The following CACNB2 variants were observed in gnomAD, a reference collection of about 807,000 sequenced individuals.
The protein encoded by CACNB2 is calcium voltage-gated channel auxiliary subunit beta 2, also known as voltage-dependent L-type calcium channel subunit beta-2.
Under a neutral mutation model 73.3 loss-of-function variants are expected in CACNB2, and 42 were observed. That is an observed-to-expected ratio of 0.57 (90% CI 0.45 to 0.74). CACNB2 has a LOEUF of 0.74. Among genes scored for constraint, CACNB2 ranks in the 30% least tolerant of loss-of-function variants. The probability of loss-of-function intolerance (pLI) is 0.00; values close to 1 mark genes in which losing one functional copy is unlikely to be tolerated. For missense variants in CACNB2, 940 were observed against 853.0 expected (o/e 1.10, Z -1.27); for synonymous variants, 348 against 310.3 (o/e 1.12, Z -1.28).
rs564348847 is a variant in CACNB2, at chr10:18,248,505, T to C, written c.213+97530T>C. On this transcript the variant is annotated intron_variant, in intron 2 of 13. Coordinates refer to ENST00000324631, the MANE Select transcript of CACNB2 (RefSeq NM_201596.3). ...TTTTCTGTTGTATCTGTCATTCTTATAGTGTTCTCAACTAAATCCAATAGG... is the reference window on the plus strand; with the variant it reads ...TTTTCTGTTGTATCTGTCATTCTTACAGTGTTCTCAACTAAATCCAATAGG... Among the ~76,000 whole-genome samples, 4 of 152,370 alleles carry C rather than the reference T, an allele frequency of 2.6e-5. No individual in the cohort carries two copies. The South Asian group carries it at 8.3e-4, about 32-fold the overall frequency.
chr10:18,280,686 A>T (rs2038504137), intron 2 of CACNB2, among the ~76,000 whole-genome samples: 1 of 152,230 alleles, frequency 6.6e-6, no homozygotes, highest in Non-Finnish European at 1.5e-5. Context: ...CAGTACCTTT[A>T]CAAATTTCAA....
intron 2 of CACNB2, among the ~76,000 whole-genome samples, chr10:18,216,764 T>C (rs2035528719): frequency 6.6e-6 from 1 of 152,192 alleles, no homozygotes; most frequent in South Asian, 2.1e-4. Context: ...AATTCAGCTA[T>C]TCCTTAATCT....
chr10:18,409,799 C>G (rs112986010), intron 3 of CACNB2, among the ~76,000 whole-genome samples: 2 of 152,076 alleles, frequency 1.3e-5, no homozygotes, highest in Non-Finnish European at 2.9e-5. Context: ...TCTATTGGAC[C>G]GCTCACAGGC....
chr10:18,282,679 C>G (rs12784081), intron 2 of CACNB2, among the ~76,000 whole-genome samples: 1 of 152,128 alleles, frequency 6.6e-6, no homozygotes, highest in Non-Finnish European at 1.5e-5. Flanking sequence ...ATTGACTGGA[C>G]AAGGAGTTGC....
At chr10:18,207,381 C>G (rs912012322) in intron 2 of CACNB2, among the ~76,000 whole-genome samples, 3 of 152,202 alleles carry the variant, frequency 2.0e-5, no homozygotes, top group African/African-American at 7.2e-5. Flanking sequence ...TAATCTCTTA[C>G]TGTGTCTGAC....
chr10:18,220,232 TAG>T (rs1169176468), intron 2 of CACNB2, among the ~76,000 whole-genome samples: 1,011 of 24,870 alleles, frequency 0.041, 14 homozygotes, highest in Non-Finnish European at 0.048. Flanking sequence ...TATATATATA[TAG>T]AGAGAGAGAG....
At chr10:18,378,928 G>A (rs1039182137) in intron 2 of CACNB2, among the ~76,000 whole-genome samples, 2 of 152,146 alleles carry the variant, frequency 1.3e-5, no homozygotes, top group African/African-American at 2.4e-5. Flanking sequence ...GTGCCTGCCA[G>A]CCCAGGGCTG....
intron 2 of CACNB2, among the ~76,000 whole-genome samples, chr10:18,275,451 A>C (rs779476630): frequency 6.6e-6 from 1 of 152,182 alleles, no homozygotes; most frequent in East Asian, 1.9e-4. Context: ...AAGAGTATGC[A>C]CAGAATATTA....
At chr10:18,460,252 T>C (rs2047497713) in intron 3 of CACNB2, among the ~76,000 whole-genome samples, 1 of 152,110 alleles carries the variant, frequency 6.6e-6, no homozygotes, top group South Asian at 2.1e-4. Context: ...ATAAAGCATG[T>C]TGGAAAGAAC....
chr10:18,498,906 A>C, intron 4 of CACNB2: 2 of 187,184 alleles, frequency 1.1e-5, no homozygotes, highest in Non-Finnish European at 1.1e-5. Flanking sequence ...ACTACTGATG[A>C]CCTTTTTCCT....
At chr10:18,186,800 C>T (rs979555324) in intron 2 of CACNB2, among the ~76,000 whole-genome samples, 3 of 152,204 alleles carry the variant, frequency 2.0e-5, no homozygotes, top group African/African-American at 7.2e-5. Flanking sequence ...TACAATTCAA[C>T]ATGAGATTTG....
At chr10:18,405,766 T>C (rs913718020) in intron 3 of CACNB2, among the ~76,000 whole-genome samples, 7 of 152,224 alleles carry the variant, frequency 4.6e-5, no homozygotes, top group Middle Eastern at 6.8e-3. Flanking sequence ...GAGACCAGCT[T>C]GGGCAACATG....
At chr10:18,150,619 T>G (rs902047825) in intron 1 of CACNB2, among the ~76,000 whole-genome samples, 4 of 152,080 alleles carry the variant, frequency 2.6e-5, no homozygotes. Context: ...GCCAAGATGG[T>G]GCCATTGCAC....
Position 18,459,136 on chromosome 10 carries a change from A to G in CACNB2, c.334-39219A>G, listed in dbSNP as rs148731680. On this transcript the variant is annotated intron_variant, in intron 3 of 13. Transcript: ENST00000324631. ...TTGATAGCTCAACATTGAAGATACT[A>G]TGAATTTTTAGTTAAAAATTTTAAA... Among the ~76,000 whole-genome samples, 102 of 152,314 alleles carry G rather than the reference A, an allele frequency of 6.7e-4. 1 individual carries two copies. In the East Asian group the frequency reaches 0.018, roughly 27 times the overall value.
intron 2 of CACNB2, among the ~76,000 whole-genome samples, chr10:18,338,952 C>G (rs181105423): frequency 6.6e-6 from 1 of 151,964 alleles, no homozygotes; most frequent in East Asian, 1.9e-4. Context: ...GTTGCCCAGG[C>G]TGGTTTCAAA....
At chr10:18,327,745 T>G (rs2040641185) in intron 2 of CACNB2, among the ~76,000 whole-genome samples, 1 of 152,134 alleles carries the variant, frequency 6.6e-6, no homozygotes, top group African/African-American at 2.4e-5. Flanking sequence ...ATGTTTTCAA[T>G]GACCACATTT....
At chr10:18,460,922 T>C (rs2047540302) in intron 3 of CACNB2, among the ~76,000 whole-genome samples, 1 of 151,934 alleles carries the variant, frequency 6.6e-6, no homozygotes, top group African/African-American at 2.4e-5. Flanking sequence ...TTTGCTCTAT[T>C]TCTTTTCTTT....
At chr10:18,513,633 G>T in intron 6 of CACNB2, 1 of 289,360 alleles carries the variant, frequency 3.5e-6, no homozygotes, top group Non-Finnish European at 6.9e-6. Context: ...ACTCAAATTC[G>T]CTTTTTGTCT....
At chr10:18,424,231 A>G (rs934710730) in intron 3 of CACNB2, among the ~76,000 whole-genome samples, 3 of 152,164 alleles carry the variant, frequency 2.0e-5, no homozygotes, top group Non-Finnish European at 4.4e-5. Context: ...GGGAGAGGAA[A>G]ACAGCTTTAC....
Sources: allele counts gnomAD v4.1 joint callset (sites outside exome capture counted in the v4.1 genomes callset), GRCh38; gene constraint gnomAD v4.1.1; transcripts MANE v1.5; gene names NCBI Gene and HGNC (gene_info 2026-07-23, HGNC 2026-07-21).